The following CCDC178 variants were observed in gnomAD, a reference collection of about 807,000 sequenced individuals.
The protein encoded by CCDC178 is coiled-coil domain-containing protein 178.
In CCDC178, 126 loss-of-function variants were observed where a neutral mutation model predicts 117.4. The observed-to-expected ratio is 1.07, with a 90% confidence interval of 0.93 to 1.24. The LOEUF (loss-of-function observed/expected upper bound fraction) is 1.24, where lower values mean the gene tolerates loss of function less well. CCDC178 is among the 50% of genes most tolerant of loss of function. The probability of loss-of-function intolerance (pLI) is 0.00; values close to 1 mark genes in which losing one functional copy is unlikely to be tolerated. For synonymous variants in CCDC178, 283 were observed against 313.4 expected (o/e 0.90, Z 1.02); for missense variants, 1,030 against 986.9 (o/e 1.04, Z -0.59).
At chr18:33,398,336 T>C (rs1483270196) in intron 3 of CCDC178, among the ~76,000 whole-genome samples, 1 of 152,086 alleles carries the variant, frequency 6.6e-6, no homozygotes. Context: ...AGCTATCAGA[T>C]AATTTTATAA....
chr18:33,153,138 A>T (rs866762510), intron 20 of CCDC178, among the ~76,000 whole-genome samples: 20 of 123,664 alleles, frequency 1.6e-4, no homozygotes, highest in East Asian at 7.4e-4. Flanking sequence ...AGTGACAATT[A>T]TATATATATA....
intron 21 of CCDC178, among the ~76,000 whole-genome samples, chr18:33,051,839 T>A (rs2056753176): frequency 6.6e-6 from 1 of 152,314 alleles, no homozygotes; most frequent in Admixed American, 6.5e-5. Context: ...GGCACGAGCA[T>A]TTTTAATCAA....
chr18:33,023,819 A>C (rs2056171021), intron 21 of CCDC178, among the ~76,000 whole-genome samples: 3 of 152,214 alleles, frequency 2.0e-5, no homozygotes, highest in African/African-American at 7.2e-5. Context: ...TTCTCTGAAT[A>C]CATCAATAAA....
At chr18:33,403,215 C>A (rs1002195852) in intron 3 of CCDC178, among the ~76,000 whole-genome samples, 1 of 152,092 alleles carries the variant, frequency 6.6e-6, no homozygotes, top group Non-Finnish European at 1.5e-5. Flanking sequence ...TCTGAACATG[C>A]ACATAAAGAT....
chr18:33,110,489 G>A (rs753227871), intron 20 of CCDC178, among the ~76,000 whole-genome samples: 3 of 151,522 alleles, frequency 2.0e-5, no homozygotes, highest in Admixed American at 6.6e-5. Flanking sequence ...TAAATCAGAT[G>A]TTCTCACAGG....
chr18:33,256,897 T>C (rs2059686846), intron 14 of CCDC178, among the ~76,000 whole-genome samples: 1 of 152,084 alleles, frequency 6.6e-6, no homozygotes, highest in South Asian at 2.1e-4. Flanking sequence ...TTGGATAGTG[T>C]TCTATTAGTT....
At chr18:33,098,607 G>A (rs540506950) in intron 20 of CCDC178, among the ~76,000 whole-genome samples, 12 of 152,074 alleles carry the variant, frequency 7.9e-5, no homozygotes, top group Admixed American at 3.3e-4. Flanking sequence ...TGCATAGACC[G>A]CACTACATTC....
chr18:33,384,380 T>C (rs2063471469), intron 5 of CCDC178, among the ~76,000 whole-genome samples: 1 of 151,928 alleles, frequency 6.6e-6, no homozygotes, highest in Non-Finnish European at 1.5e-5. Flanking sequence ...CAAGATATTC[T>C]GAGAAGATTT....
intron 21 of CCDC178, among the ~76,000 whole-genome samples, chr18:32,988,657 A>C (rs999766572): frequency 2.0e-5 from 3 of 152,080 alleles, no homozygotes; most frequent in African/African-American, 7.2e-5. Flanking sequence ...AAGAGTAATA[A>C]AATGGAAACC....
intron 20 of CCDC178, among the ~76,000 whole-genome samples, chr18:33,206,423 A>G (rs946465808): frequency 2.0e-5 from 3 of 152,070 alleles, no homozygotes; most frequent in Non-Finnish European, 2.9e-5. Flanking sequence ...ATATTTATAA[A>G]TAAGAATTCA....
chr18:33,030,560 G>T (rs2056320365), intron 21 of CCDC178, among the ~76,000 whole-genome samples: 1 of 151,930 alleles, frequency 6.6e-6, no homozygotes, highest in Non-Finnish European at 1.5e-5. Flanking sequence ...TAGATAGATA[G>T]ATAGATAGAG....
intron 21 of CCDC178, among the ~76,000 whole-genome samples, chr18:33,030,645 A>T (rs1052662641): frequency 6.6e-6 from 1 of 152,034 alleles, no homozygotes; most frequent in Non-Finnish European, 1.5e-5. Context: ...ATCAATAGAT[A>T]GATAGATGAT....
At chr18:33,300,665 G>A (rs376247523) in intron 11 of CCDC178, among the ~76,000 whole-genome samples, 26 of 152,334 alleles carry the variant, frequency 1.7e-4, no homozygotes, top group African/African-American at 6.0e-4. Context: ...TTGTGTTCGT[G>A]TCCTAGGGAT....
chr18:33,111,671 C>A (rs907375484), intron 20 of CCDC178, among the ~76,000 whole-genome samples: 2 of 151,680 alleles, frequency 1.3e-5, no homozygotes, highest in Admixed American at 6.6e-5. Flanking sequence ...GATGACAGAA[C>A]TAAGATGCAA....
At chr18:33,276,435 G>T (rs541198727) in intron 12 of CCDC178, among the ~76,000 whole-genome samples, 97 of 152,092 alleles carry the variant, frequency 6.4e-4, no homozygotes, top group African/African-American at 2.1e-3. Context: ...TTGGCAGTTG[G>T]ATATATAAGA....
intron 7 of CCDC178, among the ~76,000 whole-genome samples, chr18:33,355,983 C>T (rs552270038): frequency 1.3e-5 from 2 of 152,310 alleles, no homozygotes; most frequent in African/African-American, 4.8e-5. Flanking sequence ...TGCCACAGTG[C>T]TCTCTTAATG....
chr18:33,412,718 A>G (rs1209782406), intron 2 of CCDC178, among the ~76,000 whole-genome samples: 1 of 152,176 alleles, frequency 6.6e-6, no homozygotes, highest in African/African-American at 2.4e-5. Context: ...CATAGCCATA[A>G]TACCAATAAT....
chr18:33,145,076 C>A (rs1238300266), intron 20 of CCDC178, among the ~76,000 whole-genome samples: 1 of 152,150 alleles, frequency 6.6e-6, no homozygotes, highest in African/African-American at 2.4e-5. Context: ...TCAAGATTTG[C>A]AGTTTTATAT....
chr18:33,153,139 TA>T (rs1184401121), intron 20 of CCDC178, among the ~76,000 whole-genome samples: 49 of 124,108 alleles, frequency 3.9e-4, no homozygotes, highest in African/African-American at 1.8e-3. Flanking sequence ...GTGACAATTA[TA>T]TATATATATA....
Sources: allele counts gnomAD v4.1 joint callset (sites outside exome capture counted in the v4.1 genomes callset), GRCh38; gene constraint gnomAD v4.1.1; transcripts MANE v1.5; gene names NCBI Gene and HGNC (gene_info 2026-07-23, HGNC 2026-07-21).